Variants in NRG3 observed in about 807,000 individuals in gnomAD.
NRG3 encodes neuregulin 3, also known as pro-neuregulin-3, membrane-bound isoform.
Under a neutral mutation model 66.9 loss-of-function variants are expected in NRG3, and 31 were observed. The observed-to-expected ratio is 0.46, with a 90% confidence interval of 0.35 to 0.63. NRG3 has a LOEUF of 0.63. Among genes scored for constraint, NRG3 ranks in the 20% least tolerant of loss-of-function variants. The probability of loss-of-function intolerance (pLI) is 0.00; values close to 1 mark genes in which losing one functional copy is unlikely to be tolerated. For synonymous variants in NRG3, 393 were observed against 359.4 expected (o/e 1.09, Z -1.06); for missense variants, 910 against 878.9 (o/e 1.04, Z -0.45).
At chr10:82,780,475 C>CTTTT (rs1409952252) in intron 3 of NRG3, among the ~76,000 whole-genome samples, 2 of 109,506 alleles carry the variant, frequency 1.8e-5, no homozygotes, top group African/African-American at 7.0e-5. Flanking sequence ...TTTTTTTTTT[C>CTTTT]TTTTCTTTTT....
chr10:82,328,989 C>A (rs1437592787), intron 1 of NRG3, among the ~76,000 whole-genome samples: 1 of 152,100 alleles, frequency 6.6e-6, no homozygotes, highest in Non-Finnish European at 1.5e-5. Flanking sequence ...AAGTTCATGC[C>A]AACTATATAT....
At chr10:82,078,302 G>A (rs2133383919) in intron 1 of NRG3, among the ~76,000 whole-genome samples, 1 of 152,220 alleles carries the variant, frequency 6.6e-6, no homozygotes, top group East Asian at 1.9e-4. Flanking sequence ...GGAGATGAAG[G>A]TGAATGCTAA....
intron 2 of NRG3, among the ~76,000 whole-genome samples, chr10:82,467,559 T>G (rs937544331): frequency 6.6e-6 from 1 of 152,084 alleles, no homozygotes; most frequent in African/African-American, 2.4e-5. Flanking sequence ...ACCAGGAAGG[T>G]GGCCTGCTTT....
chr10:82,557,109 A>T (rs1052169858), intron 2 of NRG3, among the ~76,000 whole-genome samples: 2 of 152,202 alleles, frequency 1.3e-5, no homozygotes, highest in Admixed American at 1.3e-4. Context: ...TTACACATGC[A>T]TGTGACTTTA....
intron 4 of NRG3, among the ~76,000 whole-genome samples, chr10:82,921,062 A>C (rs1846375057): frequency 1.3e-5 from 2 of 152,166 alleles, no homozygotes; most frequent in Non-Finnish European, 2.9e-5. Flanking sequence ...GAAACAGAAA[A>C]AAAAAAAGTA....
At chr10:82,784,752 T>C (rs1233666123) in intron 3 of NRG3, among the ~76,000 whole-genome samples, 1 of 151,986 alleles carries the variant, frequency 6.6e-6, no homozygotes, top group Non-Finnish European at 1.5e-5. Flanking sequence ...TTTACACTGT[T>C]GGTGGGACTG....
At chr10:81,988,874 CTT>C (rs398054550) in intron 1 of NRG3, among the ~76,000 whole-genome samples, 10 of 141,324 alleles carry the variant, frequency 7.1e-5, no homozygotes, top group Non-Finnish European at 6.2e-5. Flanking sequence ...CCCGGATGTA[CTT>C]TTTTTTTTTT....
chr10:82,668,931 A>G (rs569153328), intron 2 of NRG3, among the ~76,000 whole-genome samples: 68 of 152,310 alleles, frequency 4.5e-4, no homozygotes, highest in African/African-American at 1.4e-3. Context: ...CCTGAAGGGC[A>G]TGAATTTAAG....
intron 2 of NRG3, among the ~76,000 whole-genome samples, chr10:82,533,652 A>G (rs1379642999): frequency 6.6e-6 from 1 of 152,218 alleles, no homozygotes; most frequent in Non-Finnish European, 1.5e-5. Context: ...GGTGAAAAAC[A>G]GAAAAAGCTT....
chr10:82,193,122 G>C (rs1033791397), intron 1 of NRG3, among the ~76,000 whole-genome samples: 2 of 152,076 alleles, frequency 1.3e-5, no homozygotes, highest in Admixed American at 1.3e-4. Flanking sequence ...TTTGGTGCAC[G>C]ACAGTGACAT....
chr10:82,161,814 T>C (rs2071624827), intron 1 of NRG3, among the ~76,000 whole-genome samples: 1 of 152,164 alleles, frequency 6.6e-6, no homozygotes. Flanking sequence ...ATGGAGATCC[T>C]GGATTGCTCT....
chr10:82,133,177 T>G (rs998318841), intron 1 of NRG3, among the ~76,000 whole-genome samples: 1 of 152,158 alleles, frequency 6.6e-6, no homozygotes, highest in Non-Finnish European at 1.5e-5. Flanking sequence ...TTTTCTACTT[T>G]TTTGATGTAG....
chr10:82,183,160 C>T (rs914623497), intron 1 of NRG3, among the ~76,000 whole-genome samples: 2 of 151,848 alleles, frequency 1.3e-5, no homozygotes, highest in Non-Finnish European at 2.9e-5. Flanking sequence ...TTTTCCTTCT[C>T]CAGATTTGTG....
chr10:82,588,889 G>A (rs1329018116), intron 2 of NRG3, among the ~76,000 whole-genome samples: 4 of 152,086 alleles, frequency 2.6e-5, no homozygotes, highest in Non-Finnish European at 5.9e-5. Flanking sequence ...TCTAATATTA[G>A]CAAGGAACCA....
At chr10:82,401,058 A>G (rs527386824) in intron 2 of NRG3, among the ~76,000 whole-genome samples, 1 of 152,264 alleles carries the variant, frequency 6.6e-6, no homozygotes, top group East Asian at 1.9e-4. Flanking sequence ...TCTCAGACAG[A>G]GGCAAAGAAT....
At chr10:82,752,268 G>A (rs1440303616) in intron 3 of NRG3, among the ~76,000 whole-genome samples, 1 of 152,062 alleles carries the variant, frequency 6.6e-6, no homozygotes, top group Non-Finnish European at 1.5e-5. Context: ...GTATCAAACA[G>A]CATAAAGAGG....
At chr10:82,626,533 A>G (rs973277285) in intron 2 of NRG3, among the ~76,000 whole-genome samples, 31 of 152,206 alleles carry the variant, frequency 2.0e-4, no homozygotes, top group Admixed American at 9.8e-4. Flanking sequence ...ACCCATGCAC[A>G]GGTGTTACCT....
chr10:82,758,415 G>A (rs1388323868), intron 3 of NRG3, among the ~76,000 whole-genome samples: 1 of 152,072 alleles, frequency 6.6e-6, no homozygotes, highest in Non-Finnish European at 1.5e-5. Context: ...AAGGGGAAAG[G>A]CTTGCAGAGA....
chr10:82,587,577 A>G (rs2046745765), intron 2 of NRG3, among the ~76,000 whole-genome samples: 1 of 152,170 alleles, frequency 6.6e-6, no homozygotes, highest in Non-Finnish European at 1.5e-5. Context: ...AGTCTGTGGA[A>G]CAACCAAGAG....
Sources: allele counts gnomAD v4.1 joint callset (sites outside exome capture counted in the v4.1 genomes callset), GRCh38; gene constraint gnomAD v4.1.1; transcripts MANE v1.5; gene names NCBI Gene and HGNC (gene_info 2026-07-23, HGNC 2026-07-21).